Variants in TAAR1 observed in about 807,000 individuals in gnomAD.
The protein encoded by TAAR1 is trace amine-associated receptor 1.
A neutral mutation model predicts 1.2 loss-of-function variants in TAAR1; 1 was observed. The ratio of observed to expected loss-of-function variants is 0.81; its 90% CI spans 0.29 to 3.86. The LOEUF (loss-of-function observed/expected upper bound fraction) is 3.86. Ranked by LOEUF, TAAR1 falls within the 30% of genes most tolerant of loss-of-function variation. The pLI is 0.18. For synonymous variants in TAAR1, 153 were observed against 132.2 expected, an observed-to-expected ratio of 1.16 and a Z score of -1.08; for missense variants, 445 against 405.6, an observed-to-expected ratio of 1.10 and a Z score of -0.83.
In TAAR1 at chr6:132,645,567, A is replaced by G. The variant is rs1777657508; in HGVS notation, c.437T>C (p.Ile146Thr). 2 of 1,613,582 alleles carry G rather than the reference A, an allele frequency of 1.2e-6. No individual in the cohort carries two copies. Among genetic ancestry groups the G allele is most frequent in the Non-Finnish European group, 1.7e-6 (2 of 1,179,822 alleles). ...AAAAACAGCAGGGACACTCCAACTA[A>G]TGAAGATCATCACACAAATAACCAA... ...NILVICVMIF[I>T]SWSVPAVFAF... The change falls in exon 2 of 2, where the codon ATT becomes ACT. Residue 146 changes from isoleucine (I) to threonine (T), a missense_variant. Ile to Thr is a moderately conservative substitution (Grantham distance 89). Coordinates refer to ENST00000275216, the MANE Select transcript of TAAR1 (RefSeq NM_138327.4).
At position 132,646,644 on chromosome 6, in the gene TAAR1, A is replaced by G. The variant is rs116765967; in HGVS notation, c.-126-515T>C. On this transcript the variant is annotated intron_variant, in intron 1 of 1. Coordinates refer to ENST00000275216, the MANE Select transcript of TAAR1 (RefSeq NM_138327.4). The stretch of plus-strand genomic sequence containing the variant: ...AATTAATTGTAATAAGAAGAAGCTT[A>G]CATATATTTATTTGCAGCTTGCAAA... Among the ~76,000 whole-genome samples, 1,413 of 152,316 alleles carry G rather than the reference A, an allele frequency of 9.3e-3. 19 individuals are homozygous for G. Among genetic ancestry groups the G allele is most frequent in the African/African-American group, 0.032 (1,335 of 41,572 alleles).
intron 1 of TAAR1, among the ~76,000 whole-genome samples, chr6:132,648,116 T>C (rs919705322): frequency 6.6e-6 from 1 of 152,204 alleles, no homozygotes; most frequent in Non-Finnish European, 1.5e-5. Context: ...AAAACAATGA[T>C]GGATTTCTTA....
intron 1 of TAAR1, among the ~76,000 whole-genome samples, chr6:132,655,309 G>A (rs1777792508): frequency 6.6e-6 from 1 of 151,640 alleles, no homozygotes; most frequent in African/African-American, 2.4e-5. Context: ...TCACGGATCT[G>A]GTGGATAAAA....
intron 1 of TAAR1, among the ~76,000 whole-genome samples, chr6:132,652,507 A>G (rs1236201255): frequency 6.7e-6 from 1 of 150,294 alleles, no homozygotes; most frequent in Non-Finnish European, 1.5e-5. Context: ...GGGTTTCACC[A>G]TGTTGGCCAG....
intron 1 of TAAR1, among the ~76,000 whole-genome samples, chr6:132,650,619 GT>G (rs1234603527): frequency 6.6e-6 from 1 of 152,108 alleles, no homozygotes; most frequent in Non-Finnish European, 1.5e-5. Flanking sequence ...ACTGAAAAAA[GT>G]GATGCAATCA....
At chr6:132,647,640 G>GAA (rs1367489260) in intron 1 of TAAR1, among the ~76,000 whole-genome samples, 1 of 121,742 alleles carries the variant, frequency 8.2e-6, no homozygotes, top group Non-Finnish European at 1.7e-5. Context: ...AAGAAAGAAA[G>GAA]AAAGAAAGAA....
At chr6:132,647,475 GAGAA>G (rs1358824613) in intron 1 of TAAR1, among the ~76,000 whole-genome samples, 1 of 146,642 alleles carries the variant, frequency 6.8e-6, no homozygotes, top group Admixed American at 7.0e-5. Context: ...AGAAAAGAGA[GAGAA>G]AGAAAGGAAG....
chr6:132,653,015 C>T (rs1018957062), intron 1 of TAAR1, among the ~76,000 whole-genome samples: 6 of 152,038 alleles, frequency 3.9e-5, no homozygotes, highest in African/African-American at 1.5e-4. Flanking sequence ...GAAAACTAAG[C>T]TGCAAACAGT....
chr6:132,652,428 T>A (rs1273678428), intron 1 of TAAR1, among the ~76,000 whole-genome samples: 1 of 150,412 alleles, frequency 6.6e-6, no homozygotes, highest in East Asian at 2.0e-4. Flanking sequence ...TGCCTCAACC[T>A]CCCTGGTAGC....
chr6:132,654,350 G>A (rs888162834), intron 1 of TAAR1, among the ~76,000 whole-genome samples: 2 of 152,160 alleles, frequency 1.3e-5, no homozygotes, highest in East Asian at 1.9e-4. Flanking sequence ...CTGGTCTCTC[G>A]TGCTCTATGT....
chr6:132,644,962 A>G lies in TAAR1; in HGVS notation c.*22T>C. ...TAAATATGATCATCAACCGATTTGC[A>G]AAACAGTAAAATATAATAATTCTAT... On this transcript the variant is annotated 3_prime_UTR_variant, in exon 2 of 2. Coordinates refer to ENST00000275216, the MANE Select transcript of TAAR1 (RefSeq NM_138327.4). The G allele has an allele frequency of 7.3e-6, 11 of 1,502,092 alleles. No individual in the cohort carries two copies. The highest frequency in any genetic ancestry group is 9.7e-6 in the Non-Finnish European group (11 of 1,128,570). 93.0% of individuals were successfully genotyped at this position (1,502,092 alleles called of 1,614,324 possible). A position where few individuals can be genotyped will look rare whatever the true frequency, so the allele number is the denominator to read the frequency against.
chr6:132,654,683 A>G (rs376230099), intron 1 of TAAR1, among the ~76,000 whole-genome samples: 1 of 152,224 alleles, frequency 6.6e-6, no homozygotes, highest in South Asian at 2.1e-4. Flanking sequence ...AATTACTTGC[A>G]GAGAGGTGTA....
At chr6:132,653,587 G>A (rs1374242180) in intron 1 of TAAR1, among the ~76,000 whole-genome samples, 1 of 152,182 alleles carries the variant, frequency 6.6e-6, no homozygotes, top group Admixed American at 6.5e-5. Context: ...GCCAGAATGT[G>A]ACTTTTTGCT....
At position 132,657,780 on chromosome 6, in the gene TAAR1, T is replaced by C. The variant is rs181822278; in HGVS notation, c.-127+1350A>G. Among the ~76,000 whole-genome samples the C allele has an allele frequency of 2.1e-3, 317 of 152,204 alleles. 2 individuals are homozygous for C. The highest frequency in any genetic ancestry group is 7.5e-3 in the African/African-American group (311 of 41,578). ...ATAACACAAAATTTTAGCAACGTTT[T>C]TACCTGGGTGGTGAATTATGGGTGA... On this transcript the variant is annotated intron_variant, in intron 1 of 1. Transcript: ENST00000275216.
intron 1 of TAAR1, among the ~76,000 whole-genome samples, chr6:132,654,852 G>T (rs1777785953): frequency 6.6e-6 from 1 of 152,076 alleles, no homozygotes. Flanking sequence ...AATAATTCTG[G>T]CAAATTTTGT....
At chr6:132,654,114 C>T (rs1777776284) in intron 1 of TAAR1, among the ~76,000 whole-genome samples, 2 of 152,156 alleles carry the variant, frequency 1.3e-5, no homozygotes, top group South Asian at 2.1e-4. Context: ...CATTTGGTTC[C>T]CGAACCAAGA....
chr6:132,657,479 T>C (rs76956273), intron 1 of TAAR1, among the ~76,000 whole-genome samples: 2,402 of 152,076 alleles, frequency 0.016, 69 homozygotes, highest in African/African-American at 0.055. Flanking sequence ...CAGAAAGTTG[T>C]CAATAGTATA....
chr6:132,645,867 A>G lies in TAAR1; in HGVS notation c.137T>C (p.Val46Ala), dbSNP rs1351926255. The G allele has an allele frequency of 1.9e-6, 3 of 1,613,714 alleles. No individual in the cohort carries two copies. Among genetic ancestry groups the G allele is most frequent in the South Asian group, 1.1e-5 (1 of 91,082 alleles). ...TTLVGNLIVI[V>A]SISHFKQLHT... ...AAGTTGTTTGAAGTGTGATATAGAA[A>G]CAATAACTATCAGATTGCCAACGAG... is the stretch of plus-strand genomic sequence containing the variant. Residue 46 changes from valine to alanine, a missense_variant, in exon 2 of 2, where the codon GTT becomes GCT. Physicochemically the swap from Val to Ala is moderately conservative, Grantham distance 64 (BLOSUM62 0). Coordinates refer to ENST00000275216, the MANE Select transcript of TAAR1 (RefSeq NM_138327.4).
chr6:132,653,339 T>C (rs1777767848), intron 1 of TAAR1, among the ~76,000 whole-genome samples: 1 of 152,174 alleles, frequency 6.6e-6, no homozygotes, highest in Non-Finnish European at 1.5e-5. Context: ...CAGTTAAGTT[T>C]CTGGGCAATT....
Sources: allele counts gnomAD v4.1 joint callset (sites outside exome capture counted in the v4.1 genomes callset), GRCh38; gene constraint gnomAD v4.1.1; transcripts MANE v1.5; gene names NCBI Gene and HGNC (gene_info 2026-07-23, HGNC 2026-07-21).